Variants in FAM124A observed in about 807,000 individuals in gnomAD.
FAM124A encodes the protein family with sequence similarity 124 member A.
In FAM124A, 23 loss-of-function variants were observed where a neutral mutation model predicts 24.5. The observed-to-expected ratio is 0.94, with a 90% CI of 0.68 to 1.33. The LOEUF (loss-of-function observed/expected upper bound fraction) is 1.33. Ranked by LOEUF, FAM124A falls within the 40% of genes most tolerant of loss-of-function variation. The pLI is 0.00. For synonymous variants in FAM124A, 287 were observed against 314.7 expected (o/e 0.91, Z 0.93); for missense variants, 623 against 722.8 (o/e 0.86, Z 1.58).
rs1297688141 is a variant in FAM124A, at chr13:51,231,329, C to T, written c.69-19C>T. On this transcript the variant is annotated intron_variant, in intron 1 of 3. Coordinates refer to ENST00000322475, the MANE Select transcript of FAM124A (RefSeq NM_001242312.2). Reference sequence around the variant, plus strand: ...ATTTGGATAAAGAATTCTACTAACGCTGAGGTCTTGTGTTTCAGGTCCGAC... The same window carrying T: ...ATTTGGATAAAGAATTCTACTAACGTTGAGGTCTTGTGTTTCAGGTCCGAC... 1 of 1,613,856 alleles carries T rather than the reference C, an allele frequency of 6.2e-7. No individual in the cohort carries two copies. Among genetic ancestry groups the T allele is most frequent in the Admixed American group, 1.7e-5 (1 of 59,978 alleles).
At chr13:51,229,199 C>T (rs1319950398) in intron 1 of FAM124A, among the ~76,000 whole-genome samples, 4 of 152,194 alleles carry the variant, frequency 2.6e-5, no homozygotes, top group Admixed American at 1.3e-4. Flanking sequence ...CTGGGCCATC[C>T]GTCACGGAGA....
At position 51,278,140 on chromosome 13, in the gene FAM124A, G is replaced by A. The variant is rs77979467; in HGVS notation, c.835-2310G>A. On this transcript the variant is annotated intron_variant, in intron 3 of 3. Transcript: ENST00000322475. ...CTGCTTCAAAGAGAAAGAAAGGAAC[G>A]AGTACATCGCTGCTGTCACTTGGAG... Among the ~76,000 whole-genome samples, 1,233 of 152,332 alleles carry A rather than the reference G, an allele frequency of 8.1e-3. 11 individuals are homozygous for A. Among genetic ancestry groups the A allele is most frequent in the African/African-American group, 0.023 (970 of 41,572 alleles).
intron 3 of FAM124A, among the ~76,000 whole-genome samples, chr13:51,275,261 C>T (rs973726513): frequency 1.4e-4 from 21 of 151,736 alleles, no homozygotes; most frequent in African/African-American, 5.1e-4. Context: ...GCCTTTAGCT[C>T]TAGCTACTCA....
At chr13:51,234,641 C>T (rs1373188576) in intron 2 of FAM124A, among the ~76,000 whole-genome samples, 1 of 152,092 alleles carries the variant, frequency 6.6e-6, no homozygotes, top group Non-Finnish European at 1.5e-5. Context: ...GTCCAAGAAA[C>T]TCCTCTACAA....
intron 2 of FAM124A, among the ~76,000 whole-genome samples, chr13:51,250,615 A>G (rs1043233470): frequency 6.6e-6 from 1 of 152,190 alleles, no homozygotes; most frequent in East Asian, 1.9e-4. Flanking sequence ...CGACCCATTC[A>G]AGTTGTGTGG....
intron 2 of FAM124A, chr13:51,245,198 TC>T (rs1954543996): frequency 2.2e-6 from 1 of 448,100 alleles, no homozygotes; most frequent in African/African-American, 2.0e-5. Flanking sequence ...AAAAGATTGG[TC>T]GGACCAGGTG....
intron 1 of FAM124A, among the ~76,000 whole-genome samples, chr13:51,224,336 T>C (rs1410489505): frequency 6.6e-6 from 1 of 152,154 alleles, no homozygotes; most frequent in Non-Finnish European, 1.5e-5. Context: ...CCAGGTGTGG[T>C]GGCGCATGCC....
intron 1 of FAM124A, among the ~76,000 whole-genome samples, chr13:51,224,160 C>T (rs1954292445): frequency 6.6e-6 from 1 of 152,236 alleles, no homozygotes; most frequent in South Asian, 2.1e-4. Context: ...GTAGTTGTAA[C>T]AGGACAGAAT....
At chr13:51,245,990 C>T (rs1173875290) in intron 2 of FAM124A, among the ~76,000 whole-genome samples, 1 of 152,214 alleles carries the variant, frequency 6.6e-6, no homozygotes, top group Non-Finnish European at 1.5e-5. Flanking sequence ...TGAGCTTGTA[C>T]ACTGCTTTCT....
chr13:51,251,662 C>A lies in FAM124A; in HGVS notation c.295C>A (p.Pro99Thr). 6.3e-7 allele frequency: 1 copy of A among 1,583,890 alleles called. No individual in the cohort carries two copies. Among genetic ancestry groups the A allele is most frequent in the Non-Finnish European group, 8.6e-7 (1 of 1,164,334 alleles). Reference sequence around the variant, plus strand: ...GCGGAAGCCCCCCAAGGGCGCTCAGCCAGCGCTGGCTGTGGTGCTGTTCCT... The same window carrying A: ...GCGGAAGCCCCCCAAGGGCGCTCAGACAGCGCTGGCTGTGGTGCTGTTCCT... ...RRRKPPKGAQPALAVVLFLQE... is the reference protein window; with the variant it reads ...RRRKPPKGAQTALAVVLFLQE... The change falls in exon 3 of 4, where the codon CCA (proline) becomes ACA (threonine). Residue 99 changes from proline to threonine, a missense_variant. By Grantham distance (38) the Pro-to-Thr change is conservative. Transcript: ENST00000322475. This position sits in a 1 kb window ranked among gnomAD's most constrained non-coding sequence, Gnocchi z 5.3.
intron 3 of FAM124A, among the ~76,000 whole-genome samples, chr13:51,273,510 C>T (rs1302948672): frequency 2.0e-5 from 3 of 152,268 alleles, no homozygotes; most frequent in South Asian, 4.2e-4. Flanking sequence ...TGAGCTTAAG[C>T]GATCCTTCCA....
At chr13:51,230,422 T>C (rs1447062136) in intron 1 of FAM124A, among the ~76,000 whole-genome samples, 1 of 152,216 alleles carries the variant, frequency 6.6e-6, no homozygotes, top group Non-Finnish European at 1.5e-5. Flanking sequence ...AAGGAATGTA[T>C]ATCTATAAAA....
intron 3 of FAM124A, among the ~76,000 whole-genome samples, chr13:51,261,504 G>C (rs886410832): frequency 6.6e-6 from 1 of 152,154 alleles, no homozygotes; most frequent in African/African-American, 2.4e-5. Flanking sequence ...TGACATCATT[G>C]CCTTTTCAGC....
intron 2 of FAM124A, among the ~76,000 whole-genome samples, chr13:51,246,518 C>T (rs1466103685): frequency 6.6e-6 from 1 of 151,764 alleles, no homozygotes; most frequent in Non-Finnish European, 1.5e-5. Flanking sequence ...CCAGAGCATG[C>T]TAATGCCACT....
intron 2 of FAM124A, among the ~76,000 whole-genome samples, chr13:51,231,666 C>T (rs7325193): frequency 0.059 from 8,976 of 152,194 alleles, 851 homozygotes; most frequent in African/African-American, 0.2. Flanking sequence ...TTTCATTGAA[C>T]AAACATCTAT....
At chr13:51,273,972 G>A (rs1954862942) in intron 3 of FAM124A, among the ~76,000 whole-genome samples, 1 of 152,186 alleles carries the variant, frequency 6.6e-6, no homozygotes, top group Admixed American at 6.5e-5. Context: ...AATATTCGGG[G>A]AAAGATGCAG....
chr13:51,228,502 A>C (rs1954339484), intron 1 of FAM124A, among the ~76,000 whole-genome samples: 1 of 152,178 alleles, frequency 6.6e-6, no homozygotes, highest in Admixed American at 6.5e-5. Flanking sequence ...TTCATGCTTC[A>C]TTCTGGCAGG....
At chr13:51,233,092 T>C (rs1954396427) in intron 2 of FAM124A, among the ~76,000 whole-genome samples, 1 of 152,172 alleles carries the variant, frequency 6.6e-6, no homozygotes, top group Admixed American at 6.5e-5. Flanking sequence ...AGGAAATGTA[T>C]TTGACTACAA....
chr13:51,224,317 CA>C (rs1954294604), intron 1 of FAM124A, among the ~76,000 whole-genome samples: 1 of 152,154 alleles, frequency 6.6e-6, no homozygotes, highest in South Asian at 2.1e-4. Flanking sequence ...AAAAAATATA[CA>C]GAATTAGCCA....
Sources: allele counts gnomAD v4.1 joint callset (sites outside exome capture counted in the v4.1 genomes callset), GRCh38; gene constraint gnomAD v4.1.1; non-coding constraint Gnocchi (gnomAD v3.1); transcripts MANE v1.5; gene names NCBI Gene and HGNC (gene_info 2026-07-23, HGNC 2026-07-21).